The following SLC23A2 variants were observed in gnomAD, a reference collection of about 807,000 sequenced individuals.
SLC23A2 encodes Na(+)/L-ascorbic acid transporter 2.
SLC23A2 carries 36 observed loss-of-function variants against 73.3 expected under a neutral mutation model. That is an observed-to-expected ratio of 0.49 (90% confidence interval 0.38 to 0.65). The LOEUF (loss-of-function observed/expected upper bound fraction) is 0.65. SLC23A2 is among the 30% of genes least tolerant of loss of function. The pLI is 0.00. For missense variants in SLC23A2, 507 were observed against 841.6 expected (o/e 0.60, Z 4.92); for synonymous variants, 343 against 327.3 (o/e 1.05, Z -0.52).
chr20:4,867,625 TAAAAAAA>T (rs11476144), intron 13 of SLC23A2, 138 bp downstream of exon 13: 85 of 296,152 alleles, frequency 2.9e-4, no homozygotes, highest in African/African-American at 1.8e-3. Flanking sequence ...TATAAACACT[TAAAAAAA>T]AAAAAAAAAA....
intron 1 of SLC23A2, among the ~76,000 whole-genome samples, chr20:4,987,968 C>T (rs1172817062): frequency 6.7e-6 from 1 of 150,246 alleles, no homozygotes; most frequent in African/African-American, 2.4e-5. Context: ...GACAGTTAAA[C>T]CTATTCTGCA....
intron 13 of SLC23A2, among the ~76,000 whole-genome samples, chr20:4,864,244 TA>T (rs1436930699): frequency 1.3e-5 from 2 of 152,172 alleles, no homozygotes; most frequent in African/African-American, 2.4e-5. Context: ...GACAAAATTT[TA>T]AACGCAATTC....
At position 4,926,171 on chromosome 20, in the gene SLC23A2, CTCATAAAGTTACTCG is replaced by C. The variant is rs544327316; in HGVS notation, c.108+6269_108+6283del. On this transcript the variant is annotated intron_variant, in intron 3 of 16. Coordinates refer to ENST00000338244, the MANE Select transcript of SLC23A2 (RefSeq NM_005116.6). ...CTCCCACTCTCTGGTAAGACTAAACCTCATAAAGTTACTCGTCGGTCCATGCCGCTAATATCTCCA... is the reference window on the plus strand; with the variant it reads ...CTCCCACTCTCTGGTAAGACTAAACCTCGGTCCATGCCGCTAATATCTCCA... Among the ~76,000 whole-genome samples the C allele has an allele frequency of 5.8e-3, 879 of 152,302 alleles. 10 individuals carry two copies. The highest frequency in any genetic ancestry group is 0.02 in the African/African-American group (819 of 41,566).
intron 1 of SLC23A2, among the ~76,000 whole-genome samples, chr20:4,976,008 C>A (rs958135154): frequency 6.6e-6 from 1 of 151,808 alleles, no homozygotes; most frequent in African/African-American, 2.4e-5. Context: ...CACCTGTCAC[C>A]AGGCCCGGCT....
chr20:4,932,732 A>G lies in SLC23A2; in HGVS notation c.-154-16T>C. 1.7e-6 allele frequency: 1 copy of G among 586,850 alleles called. No individual in the cohort carries two copies. Among genetic ancestry groups the G allele is most frequent in the East Asian group, 2.8e-5 (1 of 35,308 alleles). 36.4% of individuals were successfully genotyped at this position (586,850 alleles called of 1,614,324 possible). A position where few individuals can be genotyped will look rare whatever the true frequency, so the allele number is the denominator to read the frequency against. On this transcript the variant is annotated splice_polypyrimidine_tract_variant and intron_variant, in intron 2 of 16. Transcript: ENST00000338244. The stretch of plus-strand genomic sequence containing the variant: ...CTCTTAGCACCTAGAAAAGAAGAGC[A>G]CAGCCAAATCACCCCAAAGCATGAA...
At position 4,862,197 on chromosome 20, in the gene SLC23A2, G is replaced by A; in HGVS notation, c.1487-112C>T. On this transcript the variant is annotated intron_variant, in intron 14 of 16. Coordinates refer to ENST00000338244, the MANE Select transcript of SLC23A2 (RefSeq NM_005116.6). This position sits in a 1 kb window ranked among gnomAD's most constrained non-coding sequence, Gnocchi z 5.1. The stretch of plus-strand genomic sequence containing the variant: ...CCTTCTCTGTCCAACAGAAACCAAT[G>A]AGACCAGTGCAGGGACAGGAAGGGG... 29 of 1,077,396 alleles carry A rather than the reference G, an allele frequency of 2.7e-5. No homozygotes were observed. Among genetic ancestry groups the A allele is most frequent in the Non-Finnish European group, 4.0e-5 (29 of 731,028 alleles). 66.7% of individuals were successfully genotyped at this position (1,077,396 alleles called of 1,614,324 possible). A position where few individuals can be genotyped will look rare whatever the true frequency, so the allele number is the denominator to read the frequency against.
chr20:4,984,716 C>T (rs1222707851), intron 1 of SLC23A2, among the ~76,000 whole-genome samples: 1 of 152,040 alleles, frequency 6.6e-6, no homozygotes, highest in Non-Finnish European at 1.5e-5. Flanking sequence ...CACTGCACAC[C>T]CATTAGGATG....
chr20:4,896,859 T>C lies in SLC23A2; in HGVS notation c.482+2696A>G, dbSNP rs139438974. On this transcript the variant is annotated intron_variant, in intron 6 of 16. Transcript: ENST00000338244. Reference sequence around the variant, plus strand: ...GTGCCTGTTGATAAGTCCCAAGCTCTGGCCTCTGTGTGCCTGGGCAGGGGG... The same window carrying C: ...GTGCCTGTTGATAAGTCCCAAGCTCCGGCCTCTGTGTGCCTGGGCAGGGGG... 3.7e-4 allele frequency among the ~76,000 whole-genome samples: 57 copies of C among 152,324 alleles called. No individual in the cohort carries two copies. The East Asian group carries it at 0.011, about 28-fold the overall frequency.
At chr20:5,007,997 C>T (rs1394299262) in intron 1 of SLC23A2, among the ~76,000 whole-genome samples, 13 of 151,958 alleles carry the variant, frequency 8.6e-5, no homozygotes, top group Non-Finnish European at 1.5e-5. Context: ...ACAACCTCTG[C>T]CTCCTGGGTT....
At chr20:5,007,260 G>C (rs2088201836) in intron 1 of SLC23A2, among the ~76,000 whole-genome samples, 1 of 151,988 alleles carries the variant, frequency 6.6e-6, no homozygotes. Context: ...GCCATGCCTG[G>C]TGGCTCACAC....
chr20:4,980,617 C>T (rs1353896088), intron 1 of SLC23A2, among the ~76,000 whole-genome samples: 6 of 151,872 alleles, frequency 4.0e-5, no homozygotes, highest in South Asian at 4.2e-4. Context: ...CTGCAACCTC[C>T]GCCTCCCAGT....
chr20:4,966,498 C>A (rs987935633), intron 2 of SLC23A2, among the ~76,000 whole-genome samples: 1 of 151,946 alleles, frequency 6.6e-6, no homozygotes, highest in African/African-American at 2.4e-5. Context: ...GTAACATATA[C>A]AATAGACTTC....
rs116821571 is a variant in SLC23A2 at position 4,947,737 on chromosome 20, G to A, written c.-154-15021C>T. ...TCATTCTGGAAGACAAACGTTGTTC[G>A]TGTTACCTTCCAAGCTAAGAGAACG... is the stretch of plus-strand genomic sequence containing the variant. On this transcript the variant is annotated intron_variant, in intron 2 of 16. Coordinates refer to ENST00000338244, the MANE Select transcript of SLC23A2 (RefSeq NM_005116.6). The surrounding 1 kb of genome is among the most constrained non-coding windows in gnomAD (Gnocchi z 4.4). Among the ~76,000 whole-genome samples the A allele has an allele frequency of 0.016, 2,469 of 152,280 alleles. 66 individuals are homozygous for A. The highest frequency in any genetic ancestry group is 0.056 in the African/African-American group (2,313 of 41,544).
rs1930561779 is a variant in SLC23A2, at chr20:4,874,100, G to A, written c.946-8C>T. The stretch of plus-strand genomic sequence containing the variant: ...CAGGATGGCCAGGATGATCTGGAGT[G>A]GTCAAGGGGAAGCTCTGTCAGGCCA... On this transcript the variant is annotated splice_polypyrimidine_tract_variant and splice_region_variant and intron_variant, in intron 10 of 16. Coordinates refer to ENST00000338244, the MANE Select transcript of SLC23A2 (RefSeq NM_005116.6). 5.0e-6 allele frequency: 8 copies of A among 1,610,062 alleles called. No individual in the cohort carries two copies. In the South Asian group the frequency reaches 7.7e-5, roughly 16 times the overall value.
In SLC23A2 at chr20:4,856,821, C is replaced by A; in HGVS notation, c.*151G>T. ...AGACACCGCATCAGGCACCATCACC[C>A]TCACAGCAGAAAAGTGATTCGCAGT... On this transcript the variant is annotated 3_prime_UTR_variant, in exon 17 of 17. Coordinates refer to ENST00000338244, the MANE Select transcript of SLC23A2 (RefSeq NM_005116.6). This position sits in a 1 kb window ranked among gnomAD's most constrained non-coding sequence, Gnocchi z 4.6. 1.6e-6 allele frequency: 1 copy of A among 618,038 alleles called. No individual in the cohort carries two copies. Among genetic ancestry groups the A allele is most frequent in the Non-Finnish European group, 2.9e-6 (1 of 348,266 alleles). The allele number at this position is 618,038 out of a possible 1,614,324, so 38.3% of individuals were successfully genotyped here.
At chr20:4,987,077 G>C (rs1254871164) in intron 1 of SLC23A2, among the ~76,000 whole-genome samples, 1 of 152,256 alleles carries the variant, frequency 6.6e-6, no homozygotes. Flanking sequence ...CAGGGCTGCA[G>C]GTGGGCAGCG....
intron 1 of SLC23A2, among the ~76,000 whole-genome samples, chr20:4,983,375 A>G (rs143769803): frequency 0.018 from 2,802 of 151,716 alleles, 64 homozygotes; most frequent in African/African-American, 0.053. Flanking sequence ...GGCTGGGCGC[A>G]GTGGCTCACG....
intron 3 of SLC23A2, among the ~76,000 whole-genome samples, chr20:4,913,728 GC>G (rs1932235451): frequency 6.6e-6 from 1 of 152,084 alleles, no homozygotes; most frequent in African/African-American, 2.4e-5. Flanking sequence ...CCAGGTTCAA[GC>G]GATTCTCCTG....
intron 2 of SLC23A2, among the ~76,000 whole-genome samples, chr20:4,966,837 C>CAT (rs1555806654): frequency 0.012 from 1,729 of 147,020 alleles, 25 homozygotes; most frequent in East Asian, 0.052. Flanking sequence ...CACACACACA[C>CAT]ACACACACAC....
Sources: gnomAD v4.1 joint callset for allele counts (sites outside exome capture counted in the v4.1 genomes callset) on GRCh38, gnomAD v4.1.1 for gene constraint, Gnocchi (gnomAD v3.1) non-coding constraint, MANE v1.5 for transcripts, NCBI Gene and HGNC (gene_info 2026-07-23, HGNC 2026-07-21) for gene names.